The following RPS6KA2 variants were observed in gnomAD, a reference collection of about 807,000 sequenced individuals.
The protein encoded by RPS6KA2 is ribosomal protein S6 kinase A2.
A neutral mutation model predicts 91.8 loss-of-function variants in RPS6KA2; 42 were observed. The ratio of observed to expected loss-of-function variants is 0.46; its 90% CI spans 0.36 to 0.59. The LOEUF (loss-of-function observed/expected upper bound fraction) is 0.59. Ranked by LOEUF, RPS6KA2 falls within the 20% of genes least tolerant of loss-of-function variation. RPS6KA2 has a pLI of 0.00. For missense variants in RPS6KA2, 798 were observed against 978.5 expected (o/e 0.82, Z 2.46); for synonymous variants, 414 against 393.6 (o/e 1.05, Z -0.61).
Position 166,707,764 on chromosome 6 carries a change from G to A in RPS6KA2, c.123+150436C>T, listed in dbSNP as rs141721782. Among the ~76,000 whole-genome samples, 732 of 150,862 alleles carry A rather than the reference G, an allele frequency of 4.9e-3. 3 individuals are homozygous for A. The highest frequency in any genetic ancestry group is 8.8e-3 in the South Asian group (42 of 4,778). On this transcript the variant is annotated intron_variant, in intron 2 of 21. Coordinates refer to the RPS6KA2 transcript ENST00000503859. ...TCTCTCTCTCTCTCTTTTTTTTCAGGGTCTTACTTTGTTGCCCAGGCTGAA... is the reference window on the plus strand; with the variant it reads ...TCTCTCTCTCTCTCTTTTTTTTCAGAGTCTTACTTTGTTGCCCAGGCTGAA...
intron 2 of RPS6KA2, among the ~76,000 whole-genome samples, chr6:166,800,332 C>T (rs1015177555): frequency 1.3e-5 from 2 of 152,216 alleles, no homozygotes; most frequent in African/African-American, 4.8e-5. Context: ...AGCTCCCGGA[C>T]AGTTCTGCGG....
chr6:166,527,301 A>C (rs1783089811), intron 3 of RPS6KA2, among the ~76,000 whole-genome samples: 1 of 152,146 alleles, frequency 6.6e-6, no homozygotes. Context: ...GTTACGCTTG[A>C]AGGAGAAAAG....
At chr6:166,453,197 T>TCACACACACACACACACA (rs149702729) in intron 12 of RPS6KA2, among the ~76,000 whole-genome samples, 7 of 141,150 alleles carry the variant, frequency 5.0e-5, no homozygotes, top group African/African-American at 1.6e-4. Flanking sequence ...TGAGACTCCA[T>TCACACACACACACACACA]CACACACACA....
intron 2 of RPS6KA2, among the ~76,000 whole-genome samples, chr6:166,751,309 A>C (rs1037797675): frequency 2.6e-5 from 4 of 152,228 alleles, no homozygotes; most frequent in Non-Finnish European, 4.4e-5. Flanking sequence ...GAGATTACAC[A>C]GGAATTCAGA....
At chr6:166,851,161 C>T (rs904817437) in intron 2 of RPS6KA2, among the ~76,000 whole-genome samples, 8 of 152,102 alleles carry the variant, frequency 5.3e-5, no homozygotes, top group African/African-American at 1.2e-4. Context: ...GGGTGCAAGG[C>T]GTGGAAAACA....
intron 16 of RPS6KA2, among the ~76,000 whole-genome samples, chr6:166,425,777 T>A (rs1778893344): frequency 6.6e-6 from 1 of 152,072 alleles, no homozygotes; most frequent in African/African-American, 2.4e-5. Context: ...ATGCACCCAA[T>A]ACAGGAGCAC....
intron 2 of RPS6KA2, among the ~76,000 whole-genome samples, chr6:166,710,255 G>T (rs758307514): frequency 1.3e-5 from 2 of 152,160 alleles, no homozygotes; most frequent in Non-Finnish European, 2.9e-5. Flanking sequence ...AGTATTCAAA[G>T]TAACACTTGA....
chr6:166,622,632 C>T (rs778836621), intron 1 of RPS6KA2, among the ~76,000 whole-genome samples: 1 of 152,080 alleles, frequency 6.6e-6, no homozygotes, highest in Non-Finnish European at 1.5e-5. Flanking sequence ...ATGACTGGAG[C>T]CAATATTGTT....
chr6:166,769,287 G>A (rs1468049536), intron 2 of RPS6KA2, among the ~76,000 whole-genome samples: 1 of 152,216 alleles, frequency 6.6e-6, no homozygotes, highest in African/African-American at 2.4e-5. Context: ...AAGAAACACA[G>A]TTCATCACAC....
chr6:166,641,679 C>G lies in RPS6KA2; in HGVS notation c.124-102895G>C, dbSNP rs1414305684. On this transcript the variant is annotated intron_variant, in intron 2 of 21. Coordinates refer to the RPS6KA2 transcript ENST00000503859. The stretch of plus-strand genomic sequence containing the variant: ...GGGGTGCAGTGAGCCGAGATCACAC[C>G]ACTGCACTCCAGCCTGGGTAAAAGA... Among the ~76,000 whole-genome samples, 12 of 121,402 alleles carry G rather than the reference C, an allele frequency of 9.9e-5. 1 individual carries two copies. Among genetic ancestry groups the G allele is most frequent in the Admixed American group, 5.4e-4 (5 of 9,318 alleles). 79.6% of individuals were successfully genotyped at this position (121,402 alleles called of 152,430 possible).
Position 166,490,649 on chromosome 6 carries a change from G to A in RPS6KA2, c.818+22C>T. 1 of 1,574,644 alleles carries A rather than the reference G, an allele frequency of 6.4e-7. No individual in the cohort carries two copies. The highest frequency in any genetic ancestry group is 8.7e-7 in the Non-Finnish European group (1 of 1,148,958). ...ATCAGAAGGTGCTCGCAGGTCTCTG[G>A]GGTGGCTCCCACACTACTCACTTGA... On this transcript the variant is annotated intron_variant, in intron 9 of 20. Coordinates refer to ENST00000265678, the MANE Select transcript of RPS6KA2 (RefSeq NM_021135.6). This position sits in a 1 kb window ranked among gnomAD's most constrained non-coding sequence, Gnocchi z 4.2.
chr6:166,776,296 A>AG (rs1778616940), intron 2 of RPS6KA2, among the ~76,000 whole-genome samples: 1 of 152,244 alleles, frequency 6.6e-6, no homozygotes, highest in Admixed American at 6.5e-5. Context: ...ATTAACCCAC[A>AG]GGCTCCAGAA....
intron 2 of RPS6KA2, among the ~76,000 whole-genome samples, chr6:166,690,034 G>T (rs1343659197): frequency 6.6e-6 from 1 of 152,186 alleles, no homozygotes; most frequent in Non-Finnish European, 1.5e-5. Context: ...CAATCCCACC[G>T]CATGGCTCCG....
intron 2 of RPS6KA2, among the ~76,000 whole-genome samples, chr6:166,787,012 G>A (rs1336874458): frequency 1.3e-5 from 2 of 152,052 alleles, no homozygotes; most frequent in Non-Finnish European, 2.9e-5. Flanking sequence ...CAGCTATGTC[G>A]GTGTGCCAAT....
chr6:166,537,590 T>C (rs140159936), intron 2 of RPS6KA2, among the ~76,000 whole-genome samples: 24 of 151,948 alleles, frequency 1.6e-4, no homozygotes, highest in Non-Finnish European at 3.1e-4. Context: ...AGAACACCGA[T>C]GTACTATTCA....
chr6:166,808,377 G>A (rs1351878226), intron 2 of RPS6KA2, among the ~76,000 whole-genome samples: 2 of 152,168 alleles, frequency 1.3e-5, no homozygotes, highest in Non-Finnish European at 2.9e-5. Context: ...AACTCTACCT[G>A]GTTTCTACTC....
intron 3 of RPS6KA2, among the ~76,000 whole-genome samples, chr6:166,512,203 G>A (rs1782496427): frequency 6.6e-6 from 1 of 152,206 alleles, no homozygotes; most frequent in Non-Finnish European, 1.5e-5. Flanking sequence ...TATGCTAAGT[G>A]AAATAAGCCA....
intron 1 of RPS6KA2, among the ~76,000 whole-genome samples, chr6:166,560,042 A>G (rs963488219): frequency 6.6e-6 from 1 of 152,234 alleles, no homozygotes; most frequent in Non-Finnish European, 1.5e-5. Context: ...GCACTATGAC[A>G]TCAAAATCAG....
At chr6:166,831,905 T>C (rs1156442777) in intron 2 of RPS6KA2, among the ~76,000 whole-genome samples, 2 of 96,070 alleles carry the variant, frequency 2.1e-5, no homozygotes, top group Admixed American at 2.0e-4. Context: ...AGATAGATGA[T>C]GGATGGATAG....
Sources: gnomAD v4.1 joint callset for allele counts (sites outside exome capture counted in the v4.1 genomes callset) on GRCh38, gnomAD v4.1.1 for gene constraint, Gnocchi (gnomAD v3.1) non-coding constraint, MANE v1.5 for transcripts, NCBI Gene and HGNC (gene_info 2026-07-23, HGNC 2026-07-21) for gene names.